ADGRB3: variants seen among roughly 807,000 people sequenced by gnomAD.
The protein encoded by ADGRB3 is adhesion G protein-coupled receptor B3, also known as brain-specific angiogenesis inhibitor 3.
A neutral mutation model predicts 193.4 loss-of-function variants in ADGRB3; 37 were observed. The observed-to-expected ratio is 0.19, with a 90% confidence interval of 0.15 to 0.25. ADGRB3 has a LOEUF of 0.25. ADGRB3 is among the 10% of genes least tolerant of loss of function. ADGRB3 has a pLI of 1.00. For synonymous variants in ADGRB3, 690 were observed against 644.2 expected, an observed-to-expected ratio of 1.07 and a Z score of -1.08; for missense variants, 1,637 against 1,852.9, an observed-to-expected ratio of 0.88 and a Z score of 2.14.
intron 3 of ADGRB3, among the ~76,000 whole-genome samples, chr6:68,786,377 G>T (rs1042715067): frequency 2.8e-4 from 43 of 152,194 alleles, no homozygotes; most frequent in African/African-American, 1.0e-3. Flanking sequence ...CATATGGCTA[G>T]CCAGTTTTCC....
At chr6:69,134,673 G>A (rs949348489) in intron 17 of ADGRB3, among the ~76,000 whole-genome samples, 11 of 148,826 alleles carry the variant, frequency 7.4e-5, no homozygotes, top group Middle Eastern at 3.7e-3. Flanking sequence ...TTTATGAAGC[G>A]GAAACATATA....
At position 68,817,313 on chromosome 6, in the gene ADGRB3, A is replaced by G. The variant is rs1426423672; in HGVS notation, c.758-113246A>G. 5.2e-3 allele frequency among the ~76,000 whole-genome samples: 79 copies of G among 15,082 alleles called. 3 individuals are homozygous for G. The highest frequency in any genetic ancestry group is 0.011 in the African/African-American group (24 of 2,196). 9.9% of individuals were successfully genotyped at this position (15,082 alleles called of 152,430 possible). On this transcript the variant is annotated intron_variant, in intron 3 of 31. Transcript: ENST00000370598. ...ATTATTCCCTTTTGTCCATGTATAT[A>G]TATATATATATATATATATATATAT...
chr6:68,686,099 G>T (rs1176819847), intron 3 of ADGRB3, among the ~76,000 whole-genome samples: 1 of 152,094 alleles, frequency 6.6e-6, no homozygotes, highest in Non-Finnish European at 1.5e-5. Context: ...GTCAGAAGGA[G>T]CCAAAGAAGG....
intron 3 of ADGRB3, among the ~76,000 whole-genome samples, chr6:68,741,602 G>T (rs1765983737): frequency 6.6e-6 from 1 of 152,052 alleles, no homozygotes; most frequent in African/African-American, 2.4e-5. Flanking sequence ...TGCCCACGCT[G>T]GTCTTAAACT....
chr6:69,035,400 T>C (rs1009196062), intron 13 of ADGRB3, among the ~76,000 whole-genome samples: 1 of 152,054 alleles, frequency 6.6e-6, no homozygotes, highest in African/African-American at 2.4e-5. Flanking sequence ...TAAGATGAAG[T>C]AAGTATCTAC....
intron 24 of ADGRB3, among the ~76,000 whole-genome samples, chr6:69,337,623 T>C (rs1582641147): frequency 6.6e-6 from 1 of 152,294 alleles, no homozygotes; most frequent in East Asian, 1.9e-4. Context: ...GGCAACTACA[T>C]GTGCCCTGGA....
intron 3 of ADGRB3, among the ~76,000 whole-genome samples, chr6:68,788,521 A>G (rs1562030113): frequency 6.6e-6 from 1 of 152,144 alleles, no homozygotes; most frequent in Non-Finnish European, 1.5e-5. Context: ...TCTGAGAGAC[A>G]GTTTGTTATA....
chr6:69,198,132 A>G (rs575651395), intron 17 of ADGRB3, among the ~76,000 whole-genome samples: 9 of 152,228 alleles, frequency 5.9e-5, no homozygotes, highest in African/African-American at 1.9e-4. Flanking sequence ...ATTCATTACC[A>G]TCTGATATAA....
At chr6:68,836,770 G>T (rs1488968366) in intron 3 of ADGRB3, among the ~76,000 whole-genome samples, 2 of 152,112 alleles carry the variant, frequency 1.3e-5, no homozygotes, top group African/African-American at 4.8e-5. Flanking sequence ...CAGATGGTTT[G>T]CCTGAGCCCA....
intron 26 of ADGRB3, among the ~76,000 whole-genome samples, chr6:69,343,564 T>C (rs908122214): frequency 1.3e-5 from 2 of 152,128 alleles, no homozygotes; most frequent in African/African-American, 4.8e-5. Flanking sequence ...CTAAAAAAAT[T>C]TGGAATGTTT....
At chr6:69,354,745 A>T (rs1184995337) in intron 27 of ADGRB3, among the ~76,000 whole-genome samples, 2 of 152,284 alleles carry the variant, frequency 1.3e-5, no homozygotes, top group Non-Finnish European at 1.5e-5. Flanking sequence ...AAATCAAAAT[A>T]TTGGGAGTAG....
intron 20 of ADGRB3, among the ~76,000 whole-genome samples, chr6:69,273,452 T>G (rs1767225590): frequency 1.3e-5 from 2 of 152,200 alleles, no homozygotes; most frequent in Non-Finnish European, 2.9e-5. Flanking sequence ...TAGATTATAT[T>G]ATGGATCTGG....
intron 3 of ADGRB3, among the ~76,000 whole-genome samples, chr6:68,810,852 T>A (rs1043652755): frequency 6.6e-6 from 1 of 152,064 alleles, no homozygotes; most frequent in Non-Finnish European, 1.5e-5. Flanking sequence ...CACAAGGCAA[T>A]GGACACTGGT....
chr6:69,284,895 AAC>A (rs1313253019), intron 20 of ADGRB3, among the ~76,000 whole-genome samples: 1 of 152,210 alleles, frequency 6.6e-6, no homozygotes, highest in Non-Finnish European at 1.5e-5. Flanking sequence ...GTACAAGAAA[AAC>A]ACATCAGAAA....
chr6:68,725,420 G>C (rs1765655549), intron 3 of ADGRB3, among the ~76,000 whole-genome samples: 1 of 151,702 alleles, frequency 6.6e-6, no homozygotes, highest in South Asian at 2.1e-4. Flanking sequence ...TAGGAGGCTA[G>C]TGCAGTAGTC....
chr6:68,920,864 T>C (rs1767023853), intron 3 of ADGRB3, among the ~76,000 whole-genome samples: 1 of 152,138 alleles, frequency 6.6e-6, no homozygotes, highest in Non-Finnish European at 1.5e-5. Context: ...TGGTAATACA[T>C]GACAAATGGA....
chr6:68,653,074 TTCTGA>T (rs1768407251), intron 3 of ADGRB3, among the ~76,000 whole-genome samples: 1 of 152,136 alleles, frequency 6.6e-6, no homozygotes, highest in Non-Finnish European at 1.5e-5. Context: ...CATTGCTCAC[TTCTGA>T]TCTGAGTCAT....
At chr6:69,325,898 C>G (rs934280061) in intron 21 of ADGRB3, among the ~76,000 whole-genome samples, 1 of 152,140 alleles carries the variant, frequency 6.6e-6, no homozygotes. Context: ...AATGGAAAAG[C>G]AATTAATAAG....
intron 17 of ADGRB3, among the ~76,000 whole-genome samples, chr6:69,177,803 T>C (rs1225761939): frequency 6.6e-6 from 1 of 152,214 alleles, no homozygotes. Context: ...GACAGTATGA[T>C]TGATATGATT....
Sources: gnomAD v4.1 joint callset for allele counts (sites outside exome capture counted in the v4.1 genomes callset) on GRCh38, gnomAD v4.1.1 for gene constraint, MANE v1.5 for transcripts, NCBI Gene and HGNC (gene_info 2026-07-23, HGNC 2026-07-21) for gene names.